The following EXOSC5 variants were observed in gnomAD, a reference collection of about 807,000 sequenced individuals.
EXOSC5 encodes the protein exosome component 5.
A neutral mutation model predicts 23.7 loss-of-function variants in EXOSC5; 15 were observed. That is an observed-to-expected ratio of 0.63 (90% CI 0.42 to 0.97). The LOEUF is 0.97. EXOSC5 is among the 50% of genes least tolerant of loss of function. The pLI, the probability that EXOSC5 is intolerant of heterozygous loss-of-function variation, is 0.00. For missense variants in EXOSC5, 305 were observed against 316.3 expected (o/e 0.96, Z 0.27); for synonymous variants, 143 against 140.9 (o/e 1.02, Z -0.11).
intron 3 of EXOSC5, among the ~76,000 whole-genome samples, chr19:41,390,813 C>T (rs1383690480): frequency 5.9e-5 from 9 of 152,338 alleles, no homozygotes; most frequent in South Asian, 4.1e-4. Flanking sequence ...TGATCCTCCA[C>T]GCCTTCCTCT....
chr19:41,388,252 C>A (rs2038999008), intron 4 of EXOSC5, among the ~76,000 whole-genome samples: 3 of 152,254 alleles, frequency 2.0e-5, no homozygotes, highest in Admixed American at 1.3e-4. Flanking sequence ...TCTGGTACCT[C>A]TCGGCCTCCC....
At chr19:41,388,117 T>C (rs1035064098) in intron 4 of EXOSC5, among the ~76,000 whole-genome samples, 6 of 152,254 alleles carry the variant, frequency 3.9e-5, no homozygotes, top group South Asian at 2.1e-4. Context: ...TCCCTGGGTA[T>C]AGCCCTCTGC....
chr19:41,394,667 G>A (rs2039048456), intron 1 of EXOSC5, among the ~76,000 whole-genome samples: 2 of 152,088 alleles, frequency 1.3e-5, no homozygotes, highest in South Asian at 2.1e-4. Flanking sequence ...ACAGGTGCGT[G>A]CTACCACATC....
At chr19:41,393,427 A>G (rs149856109) in intron 1 of EXOSC5, among the ~76,000 whole-genome samples, 5,157 of 152,010 alleles carry the variant, frequency 0.034, 281 homozygotes, top group African/African-American at 0.12. Context: ...ACCATGCCTG[A>G]CTAATTTTTA....
intron 4 of EXOSC5, among the ~76,000 whole-genome samples, 189 bp from the exon 5 acceptor site, chr19:41,387,792 G>GAAAA (rs58638587): frequency 1.7e-5 from 2 of 116,374 alleles, no homozygotes; most frequent in African/African-American, 3.3e-5. Flanking sequence ...CCCCATCTCA[G>GAAAA]AAAAAAAAAA....
intron 4 of EXOSC5, 86 bp from the exon 5 acceptor site, chr19:41,387,689 G>C (rs1257404624): frequency 1.1e-6 from 1 of 950,820 alleles, no homozygotes; most frequent in Non-Finnish European, 1.5e-6. Context: ...CAGGCACAGT[G>C]GCTCATGACC....
intron 4 of EXOSC5, 95 bp from the exon 5 acceptor site, chr19:41,387,698 C>T: frequency 1.2e-6 from 1 of 822,474 alleles, no homozygotes; most frequent in South Asian, 2.6e-5. Context: ...TGGCTCATGA[C>T]CATAATCTCA....
In EXOSC5 at chr19:41,391,708, C is replaced by A. The variant is rs1201289368; in HGVS notation, c.384+133G>T. 10 of 1,257,084 alleles carry A rather than the reference C, an allele frequency of 8.0e-6. No individual in the cohort carries two copies. In the Admixed American group the frequency reaches 3.0e-4, roughly 38 times the overall value. 77.9% of individuals were successfully genotyped at this position (1,257,084 alleles called of 1,614,324 possible). ...CATAAGTAAGCACCCAGGCTGTTTG[C>A]TCTCCTTCTTCAGTGAGCTGGTACC... On this transcript the variant is annotated intron_variant, in intron 3 of 5. Transcript: ENST00000221233.
intron 2 of EXOSC5, chr19:41,392,232 A>C: frequency 2.1e-6 from 1 of 475,100 alleles, no homozygotes; most frequent in Non-Finnish European, 3.7e-6. Flanking sequence ...GCCCACTCCC[A>C]CCCTAGCAGG....
At chr19:41,393,002 C>T (rs1193249436) in intron 1 of EXOSC5, 22 bp from the exon 2 acceptor site, 6 of 1,604,028 alleles carry the variant, frequency 3.7e-6, no homozygotes, top group Non-Finnish European at 5.1e-6. Flanking sequence ...GCAGGGAGGG[C>T]CTCACTCACA....
intron 1 of EXOSC5, among the ~76,000 whole-genome samples, 179 bp from the exon 2 acceptor site, chr19:41,393,159 C>A (rs2039036892): frequency 6.6e-6 from 1 of 152,246 alleles, no homozygotes. Flanking sequence ...CAGTCCCTCC[C>A]CGCTAGCGTC....
intron 1 of EXOSC5, 41 bp from the exon 2 acceptor site, chr19:41,393,021 G>T: frequency 6.3e-7 from 1 of 1,584,888 alleles, no homozygotes; most frequent in Non-Finnish European, 8.6e-7. Flanking sequence ...CAGCTTCCCT[G>T]CTCCTGGGGC....
In EXOSC5 at chr19:41,395,800, C is replaced by T. The variant is rs1599943132; in HGVS notation, c.148+1381G>A. The stretch of plus-strand genomic sequence containing the variant: ...TTCTCTTTTCCATCTACACTCACTT[C>T]GTTCAGGCAATAGCCTGAAATACCA... On this transcript the variant is annotated intron_variant, in intron 1 of 5. Transcript: ENST00000221233. 2.0e-5 allele frequency among the ~76,000 whole-genome samples: 3 copies of T among 152,188 alleles called. No homozygotes were observed. The South Asian group carries it at 6.2e-4, about 32-fold the overall frequency.
chr19:41,388,823 T>TG (rs953288753), intron 4 of EXOSC5, among the ~76,000 whole-genome samples: 7 of 152,124 alleles, frequency 4.6e-5, no homozygotes, highest in African/African-American at 1.7e-4. Context: ...AGGATGGAAA[T>TG]GGAGCTTAAG....
rs1373465884 is a variant in EXOSC5 at position 41,386,482 on chromosome 19, C to T, written c.*151G>A. 9 of 673,828 alleles carry T rather than the reference C, an allele frequency of 1.3e-5. No individual in the cohort carries two copies. The African/African-American group carries it at 1.5e-4, about 11-fold the overall frequency. 41.7% of individuals were successfully genotyped at this position (673,828 alleles called of 1,614,324 possible). A position where few individuals can be genotyped will look rare whatever the true frequency, so the allele number is the denominator to read the frequency against. ...CCCAGGCCTGGGGGCTGTCACAGGC[C>T]AAGGCCTCCCCACAGGAGCCCTGTG... is the stretch of plus-strand genomic sequence containing the variant. On this transcript the variant is annotated 3_prime_UTR_variant, in exon 6 of 6. Coordinates refer to ENST00000221233, the MANE Select transcript of EXOSC5 (RefSeq NM_020158.4).
Position 41,386,581 on chromosome 19 carries a change from T to A in EXOSC5, c.*52A>T. The stretch of plus-strand genomic sequence containing the variant: ...TGGGCTGCTGGTTTGCTTCAGGCTG[T>A]AGGGGGTGAGTGGGTGGAGGCAATG... On this transcript the variant is annotated 3_prime_UTR_variant, in exon 6 of 6. Coordinates refer to ENST00000221233, the MANE Select transcript of EXOSC5 (RefSeq NM_020158.4). 6.5e-7 allele frequency: 1 copy of A among 1,526,752 alleles called. No homozygotes were observed. 94.6% of individuals were successfully genotyped at this position (1,526,752 alleles called of 1,614,324 possible). A position where few individuals can be genotyped will look rare whatever the true frequency, so the allele number is the denominator to read the frequency against.
chr19:41,389,175 G>A lies in EXOSC5; in HGVS notation c.525+590C>T, dbSNP rs1422451244. On this transcript the variant is annotated intron_variant, in intron 4 of 5. Transcript: ENST00000221233. ...TGGCCAGGCTGGTCTTCAACTCCCA[G>A]CCTCAGGTGATCTGCCTGCCTCAGA... Among the ~76,000 whole-genome samples, 7 of 152,252 alleles carry A rather than the reference G, an allele frequency of 4.6e-5. No homozygotes were observed. In the East Asian group the frequency reaches 1.4e-3, roughly 29 times the overall value.
chr19:41,389,696 G>A lies in EXOSC5; in HGVS notation c.525+69C>T, dbSNP rs192387769. 431 of 1,561,058 alleles carry A rather than the reference G, an allele frequency of 2.8e-4. 1 individual carries two copies. In the East Asian group the frequency reaches 8.5e-3, roughly 31 times the overall value. ...ATGAGCCGACTGTCTGTAGAGAAGCGAGGCCTGGAGGAAGGGACGGGCAGC... is the reference window on the plus strand; with the variant it reads ...ATGAGCCGACTGTCTGTAGAGAAGCAAGGCCTGGAGGAAGGGACGGGCAGC... On this transcript the variant is annotated intron_variant, in intron 4 of 5. Coordinates refer to ENST00000221233, the MANE Select transcript of EXOSC5 (RefSeq NM_020158.4).
At chr19:41,391,117 C>A (rs138675320) in intron 3 of EXOSC5, among the ~76,000 whole-genome samples, 16 of 152,278 alleles carry the variant, frequency 1.1e-4, no homozygotes, top group Admixed American at 3.9e-4. Flanking sequence ...GTAACCCCAG[C>A]ACTTTGGGAG....
Sources: allele counts gnomAD v4.1 joint callset (sites outside exome capture counted in the v4.1 genomes callset), GRCh38; gene constraint gnomAD v4.1.1; transcripts MANE v1.5; gene names NCBI Gene and HGNC (gene_info 2026-07-23, HGNC 2026-07-21).